Variants in VPS13C observed in about 807,000 individuals in gnomAD.
The protein encoded by VPS13C is intermembrane lipid transfer protein VPS13C.
VPS13C carries 358 observed loss-of-function variants against 456.8 expected under a neutral mutation model. That is an observed-to-expected ratio of 0.78 (90% confidence interval 0.72 to 0.86). The LOEUF (loss-of-function observed/expected upper bound fraction) is 0.86, where lower values mean the gene tolerates loss of function less well. VPS13C is among the 40% of genes least tolerant of loss of function. The pLI is 0.00. For synonymous variants in VPS13C, 1,578 were observed against 1,486.7 expected (o/e 1.06, Z -1.41); for missense variants, 4,818 against 4,385.4 (o/e 1.10, Z -2.79).
At chr15:62,023,390 G>T in intron 8 of VPS13C, 21 bp downstream of exon 8, 2 of 1,286,180 alleles carry the variant, frequency 1.6e-6, no homozygotes, top group East Asian at 2.6e-5. Flanking sequence ...ATTATTAACT[G>T]AGTAAATAAA....
chr15:61,941,394 A>G (rs953311480), intron 46 of VPS13C, among the ~76,000 whole-genome samples: 2 of 152,258 alleles, frequency 1.3e-5, no homozygotes, highest in Admixed American at 6.5e-5. Context: ...TTTGGAAATG[A>G]GAAATAAATC....
chr15:61,907,943 T>G (rs934289395), intron 65 of VPS13C, among the ~76,000 whole-genome samples: 1 of 152,064 alleles, frequency 6.6e-6, no homozygotes, highest in Non-Finnish European at 1.5e-5. Flanking sequence ...AATACAATAC[T>G]TAAGATATAT....
intron 37 of VPS13C, among the ~76,000 whole-genome samples, chr15:61,957,268 C>G (rs1243863380): frequency 6.6e-6 from 1 of 151,992 alleles, no homozygotes; most frequent in Non-Finnish European, 1.5e-5. Context: ...CTATCTATTA[C>G]AAGTTAAAAT....
At chr15:61,908,011 C>T (rs1002780064) in intron 65 of VPS13C, among the ~76,000 whole-genome samples, 11 of 152,102 alleles carry the variant, frequency 7.2e-5, no homozygotes, top group Admixed American at 5.2e-4. Flanking sequence ...AAGTGTGGTC[C>T]GTAAACAGGC....
intron 71 of VPS13C, 106 bp from the exon 72 acceptor site, chr15:61,881,060 C>A (rs1048648742): frequency 1.2e-6 from 1 of 862,296 alleles, no homozygotes; most frequent in Non-Finnish European, 1.7e-6. Flanking sequence ...CTTGTTCCTT[C>A]ATCTCCTAAA....
chr15:61,920,229 T>A lies in VPS13C; in HGVS notation c.7315A>T (p.Asn2439Tyr). 1 of 1,613,638 alleles carries A rather than the reference T, an allele frequency of 6.2e-7. No individual in the cohort carries two copies. The highest frequency in any genetic ancestry group is 8.5e-7 in the Non-Finnish European group (1 of 1,179,666). The change falls in exon 57 of 85, where the codon AAT becomes TAT. Residue 2439 changes from asparagine to tyrosine, a missense_variant. Physicochemically the swap from Asn to Tyr is moderately radical, Grantham distance 143. This residue lies in a region of VPS13C where 4,552 missense variants were observed against 4,130.6 expected (regional missense o/e 1.10). Coordinates refer to ENST00000644861, the MANE Select transcript of VPS13C (RefSeq NM_020821.3). ...AVGVPIKVKP[N>Y]CNLRVMGFPE... ...AAGCCCATTACTCTGAGATTACAAT[T>A]GGGCTTCACCTTAATGGGAACACCT...
At chr15:62,024,373 G>T (rs1367780915) in intron 6 of VPS13C, among the ~76,000 whole-genome samples, 1 of 152,040 alleles carries the variant, frequency 6.6e-6, no homozygotes, top group Non-Finnish European at 1.5e-5. Flanking sequence ...GGCATAACAT[G>T]TACATTGGAC....
chr15:61,918,062 T>C, intron 59 of VPS13C, 74 bp downstream of exon 59: 2 of 1,447,908 alleles, frequency 1.4e-6, no homozygotes, highest in Non-Finnish European at 1.9e-6. Flanking sequence ...TTAATAAAAA[T>C]ATGAAGTTAT....
At chr15:61,892,431 C>A (rs559703506) in intron 66 of VPS13C, among the ~76,000 whole-genome samples, 2 of 152,110 alleles carry the variant, frequency 1.3e-5, no homozygotes, top group Non-Finnish European at 2.9e-5. Context: ...AGCAATTATA[C>A]CACCATCTAG....
At chr15:62,035,471 T>C (rs1323752296) in intron 3 of VPS13C, among the ~76,000 whole-genome samples, 1 of 151,994 alleles carries the variant, frequency 6.6e-6, no homozygotes, top group Non-Finnish European at 1.5e-5. Context: ...CAACAGTTGA[T>C]AGTCTTAATA....
chr15:61,969,561 C>T (rs1029359204), intron 27 of VPS13C, 109 bp from the exon 28 acceptor site: 3 of 610,398 alleles, frequency 4.9e-6, no homozygotes, highest in Non-Finnish European at 7.3e-6. Flanking sequence ...AGTAACTTTG[C>T]TCATATCCTT....
chr15:61,977,071 T>C lies in VPS13C; in HGVS notation c.2408+11A>G, dbSNP rs561616115. On this transcript the variant is annotated intron_variant, in intron 24 of 84. Transcript: ENST00000644861. ...GTTGATTTTCTAATATAAAAGAAGT[T>C]TATACATTACCTGGCCATTCTAATG... is the stretch of plus-strand genomic sequence containing the variant. 46 of 1,559,626 alleles carry C rather than the reference T, an allele frequency of 2.9e-5. No homozygotes were observed. In the South Asian group the frequency reaches 5.2e-4, roughly 17 times the overall value.
chr15:61,978,797 A>T, intron 22 of VPS13C, 48 bp from the exon 23 acceptor site: 1 of 1,533,292 alleles, frequency 6.5e-7, no homozygotes, highest in South Asian at 1.3e-5. Flanking sequence ...ACAGAAAAGC[A>T]CATACATCAA....
chr15:61,992,997 G>A (rs1331760162), intron 16 of VPS13C, among the ~76,000 whole-genome samples: 3 of 151,988 alleles, frequency 2.0e-5, no homozygotes, highest in Admixed American at 1.3e-4. Flanking sequence ...TGCTTCAACA[G>A]TTTCACAAGT....
Position 61,920,339 on chromosome 15 carries a change from G to A in VPS13C, c.7213-8C>T, listed in dbSNP as rs776914267. ...AGTGCCCTCTGAAAAACCCTGAAAA[G>A]GAACATATCATCACAGTAAAATTTT... On this transcript the variant is annotated splice_polypyrimidine_tract_variant and splice_region_variant and intron_variant, in intron 56 of 84. Transcript: ENST00000644861. 126 of 1,582,924 alleles carry A rather than the reference G, an allele frequency of 8.0e-5. No individual in the cohort carries two copies. Among genetic ancestry groups the A allele is most frequent in the Non-Finnish European group, 1.1e-4 (124 of 1,161,410 alleles).
intron 51 of VPS13C, among the ~76,000 whole-genome samples, chr15:61,928,121 A>G (rs557768322): frequency 6.6e-6 from 1 of 152,224 alleles, no homozygotes; most frequent in Non-Finnish European, 1.5e-5. Flanking sequence ...ACAGCACACC[A>G]ACATGGCACA....
chr15:61,955,942 AACT>A (rs1275300336), intron 37 of VPS13C, among the ~76,000 whole-genome samples: 1 of 152,148 alleles, frequency 6.6e-6, no homozygotes, highest in Non-Finnish European at 1.5e-5. Flanking sequence ...TTTAAAACAG[AACT>A]ACCTTTGACC....
intron 9 of VPS13C, among the ~76,000 whole-genome samples, chr15:62,016,396 T>A (rs1317254901): frequency 6.6e-6 from 1 of 151,208 alleles, no homozygotes; most frequent in Non-Finnish European, 1.5e-5. Context: ...ACATTAGGTA[T>A]ATCTCTTAAT....
At chr15:62,002,193 G>A (rs201723511) in intron 15 of VPS13C, among the ~76,000 whole-genome samples, 3 of 152,160 alleles carry the variant, frequency 2.0e-5, no homozygotes, top group South Asian at 2.1e-4. Context: ...GTTTCCTGAC[G>A]TTTTAATGAT....
Sources: gnomAD v4.1 joint callset for allele counts (sites outside exome capture counted in the v4.1 genomes callset) on GRCh38, gnomAD v4.1.1 for gene constraint, gnomAD v4.1.1 regional missense constraint, MANE v1.5 for transcripts, NCBI Gene and HGNC (gene_info 2026-07-23, HGNC 2026-07-21) for gene names.